The following NIPAL2 variants were observed in gnomAD, a reference collection of about 807,000 sequenced individuals.
NIPAL2 encodes NIPA-like protein 2.
NIPAL2 carries 43 observed loss-of-function variants against 48.9 expected under a neutral mutation model. That is an observed-to-expected ratio of 0.88 (90% CI 0.69 to 1.13). The LOEUF (loss-of-function observed/expected upper bound fraction) is 1.13. NIPAL2 is among the 50% of genes most tolerant of loss of function. The probability of loss-of-function intolerance (pLI) is 0.00; values close to 1 mark genes in which losing one functional copy is unlikely to be tolerated. For missense variants in NIPAL2, 446 were observed against 461.4 expected (o/e 0.97, Z 0.31); for synonymous variants, 167 against 174.6 (o/e 0.96, Z 0.34).
chr8:98,224,913 C>T (rs1027866679), intron 4 of NIPAL2, among the ~76,000 whole-genome samples: 7 of 151,822 alleles, frequency 4.6e-5, no homozygotes, highest in Admixed American at 2.0e-4. Context: ...CGTGCCACCA[C>T]GCCCAGCTAA....
At chr8:98,197,100 T>C (rs1443856532) in intron 8 of NIPAL2, among the ~76,000 whole-genome samples, 1 of 152,134 alleles carries the variant, frequency 6.6e-6, no homozygotes, top group Admixed American at 6.5e-5. Context: ...TTTTCAATTT[T>C]TTTCTTCAGT....
Position 98,254,035 on chromosome 8 carries a change from A to G in NIPAL2, c.188T>C (p.Ile63Thr), listed in dbSNP as rs780753823. ...TTTTCTTACCTGAATATTTAGAGAA[A>G]TACTGATCACCAAGTTTCCTAAAAT... ...LAILGNLVIS[I>T]SLNIQKYSHL... Residue 63 changes from isoleucine to threonine, a missense_variant, in exon 2 of 11, where the codon ATT (isoleucine) becomes ACT (threonine). By Grantham distance (89) the Ile-to-Thr change is moderately conservative (BLOSUM62 -1). Coordinates refer to ENST00000430223, the MANE Select transcript of NIPAL2 (RefSeq NM_001321635.2). 4.3e-6 allele frequency: 7 copies of G among 1,610,314 alleles called. No individual in the cohort carries two copies. The highest frequency in any genetic ancestry group is 4.2e-6 in the Non-Finnish European group (5 of 1,177,454).
In NIPAL2 at chr8:98,194,775, T is replaced by C. The variant is rs767247460; in HGVS notation, c.992A>G (p.Glu331Gly). 6.3e-7 allele frequency: 1 copy of C among 1,578,110 alleles called. No individual in the cohort carries two copies. Among genetic ancestry groups the C allele is most frequent in the South Asian group, 1.2e-5 (1 of 83,812 alleles). The change falls in exon 10 of 11, where the codon GAA becomes GGA. Residue 331 changes from glutamate (E) to glycine (G), a missense_variant. Coordinates refer to ENST00000430223, the MANE Select transcript of NIPAL2 (RefSeq NM_001321635.2). ...LGVFLVTRNR[E>G]KEHLQQSYID... Reference sequence around the variant, plus strand: ...ATAAGACTGTTGCAGATGTTCCTTTTCTCGATTTCTTGTGACCAAAAATAC... The same window carrying C: ...ATAAGACTGTTGCAGATGTTCCTTTCCTCGATTTCTTGTGACCAAAAATAC...
chr8:98,280,761 T>TATATATATAGAGAGAGAGAGAGAG, intron 1 of NIPAL2, among the ~76,000 whole-genome samples: 47 of 30,004 alleles, frequency 1.6e-3, no homozygotes, highest in South Asian at 3.0e-3. Flanking sequence ...TATATATATA[T>TATATATATAGAGAGAGAGAGAGAG]AGAGAGAGAG....
At chr8:98,236,317 C>T in intron 3 of NIPAL2, 103 bp from the exon 4 acceptor site, 2 of 715,578 alleles carry the variant, frequency 2.8e-6, no homozygotes, top group South Asian at 3.5e-5. Context: ...GCCTGATGAG[C>T]TATGTCCTGA....
chr8:98,293,197 T>A (rs1389539756), intron 1 of NIPAL2, among the ~76,000 whole-genome samples: 1 of 152,234 alleles, frequency 6.6e-6, no homozygotes. Flanking sequence ...CATGGTTTTG[T>A]TAAAGAACAA....
intron 1 of NIPAL2, among the ~76,000 whole-genome samples, chr8:98,261,282 G>A: frequency 1.4e-5 from 2 of 146,446 alleles, no homozygotes; most frequent in Admixed American, 6.8e-5. Context: ...GATGGAGAAT[G>A]ACTTTGACGA....
At chr8:98,211,273 A>G (rs1326551279) in intron 6 of NIPAL2, among the ~76,000 whole-genome samples, 1 of 152,074 alleles carries the variant, frequency 6.6e-6, no homozygotes, top group Non-Finnish European at 1.5e-5. Context: ...TTACATTCCT[A>G]TTTAAAGTTG....
At chr8:98,288,837 T>C (rs1816340625) in intron 1 of NIPAL2, among the ~76,000 whole-genome samples, 1 of 152,180 alleles carries the variant, frequency 6.6e-6, no homozygotes, top group Non-Finnish European at 1.5e-5. Flanking sequence ...ACGGGAAATA[T>C]CCAGATCAAG....
intron 3 of NIPAL2, among the ~76,000 whole-genome samples, chr8:98,247,917 T>A (rs1813391176): frequency 6.6e-6 from 1 of 152,218 alleles, no homozygotes; most frequent in Non-Finnish European, 1.5e-5. Context: ...AAACGTATCC[T>A]CAAATCACAG....
intron 1 of NIPAL2, among the ~76,000 whole-genome samples, chr8:98,289,929 A>G (rs781481051): frequency 2.0e-5 from 3 of 152,208 alleles, no homozygotes; most frequent in Non-Finnish European, 2.9e-5. Context: ...AGGGTAATAT[A>G]AAACTCAGCA....
At chr8:98,271,499 G>A (rs1328249274) in intron 1 of NIPAL2, among the ~76,000 whole-genome samples, 1 of 152,116 alleles carries the variant, frequency 6.6e-6, no homozygotes, top group Non-Finnish European at 1.5e-5. Context: ...CTCTTAGCTT[G>A]AACATTGTTG....
intron 1 of NIPAL2, among the ~76,000 whole-genome samples, chr8:98,270,941 A>G (rs1815086939): frequency 6.6e-6 from 1 of 152,164 alleles, no homozygotes. Context: ...TTCCAGAACC[A>G]TTTATTGAAT....
chr8:98,284,807 A>G (rs1042117956), intron 1 of NIPAL2, among the ~76,000 whole-genome samples: 4 of 152,116 alleles, frequency 2.6e-5, no homozygotes, highest in African/African-American at 9.7e-5. Flanking sequence ...ATATTTTCAC[A>G]CCATAACCTA....
chr8:98,224,755 C>CTTTTTTTTTTTTTTTTTT (rs371936351), intron 4 of NIPAL2, among the ~76,000 whole-genome samples: 5 of 123,762 alleles, frequency 4.0e-5, no homozygotes, highest in African/African-American at 8.7e-5. Context: ...TCTTTCTTTT[C>CTTTTTTTTTTTTTTTTTT]TTTTTTTTTT....
chr8:98,288,984 G>A (rs1283606135), intron 1 of NIPAL2, among the ~76,000 whole-genome samples: 1 of 152,174 alleles, frequency 6.6e-6, no homozygotes, highest in Non-Finnish European at 1.5e-5. Flanking sequence ...TCACCCAAGT[G>A]TGTGCTCCCA....
At chr8:98,272,878 T>C (rs1223020218) in intron 1 of NIPAL2, among the ~76,000 whole-genome samples, 1 of 152,144 alleles carries the variant, frequency 6.6e-6, no homozygotes, top group African/African-American at 2.4e-5. Flanking sequence ...ACCAAGGAAA[T>C]GCTTATTTTT....
chr8:98,226,100 A>G (rs1056634490), intron 4 of NIPAL2, among the ~76,000 whole-genome samples: 1 of 152,072 alleles, frequency 6.6e-6, no homozygotes, highest in Admixed American at 6.6e-5. Flanking sequence ...TTTATTTGAT[A>G]GTATTCTGAA....
chr8:98,274,236 T>G (rs984577887), intron 1 of NIPAL2, among the ~76,000 whole-genome samples: 3 of 151,900 alleles, frequency 2.0e-5, no homozygotes, highest in African/African-American at 7.2e-5. Flanking sequence ...ATATATATAT[T>G]CTACATATTC....
Sources: gnomAD v4.1 joint callset for allele counts (sites outside exome capture counted in the v4.1 genomes callset) on GRCh38, gnomAD v4.1.1 for gene constraint, MANE v1.5 for transcripts, NCBI Gene and HGNC (gene_info 2026-07-23, HGNC 2026-07-21) for gene names.